Variants in TOPBP1 observed in about 807,000 individuals in gnomAD.
The protein encoded by TOPBP1 is DNA topoisomerase 2-binding protein 1.
Under a neutral mutation model 167.7 loss-of-function variants are expected in TOPBP1, and 28 were observed. That is an observed-to-expected ratio of 0.17 (90% CI 0.12 to 0.23). The LOEUF (loss-of-function observed/expected upper bound fraction) is 0.23. Ranked by LOEUF, TOPBP1 falls within the 10% of genes least tolerant of loss-of-function variation. TOPBP1 has a pLI of 1.00. For missense variants in TOPBP1, 1,554 were observed against 1,809.6 expected (o/e 0.86, Z 2.56); for synonymous variants, 598 against 611.4 (o/e 0.98, Z 0.32).
At chr3:133,604,502 T>C (rs1934425352) in intron 27 of TOPBP1, among the ~76,000 whole-genome samples, 1 of 151,690 alleles carries the variant, frequency 6.6e-6, no homozygotes, top group Non-Finnish European at 1.5e-5. Context: ...CCAACAAATT[T>C]GATAAGATGA....
In TOPBP1 at chr3:133,617,332, G is replaced by A; in HGVS notation, c.3593-6C>T. On this transcript the variant is annotated splice_polypyrimidine_tract_variant and splice_region_variant and intron_variant, in intron 21 of 27. Transcript: ENST00000260810. ...GTTTCCAGGATCACAGACAGCTGAGGACAATAAAATGCTGCAGTGTGACAG... is the reference window on the plus strand; with the variant it reads ...GTTTCCAGGATCACAGACAGCTGAGAACAATAAAATGCTGCAGTGTGACAG... 8.1e-6 allele frequency: 13 copies of A among 1,599,418 alleles called. No homozygotes were observed. The highest frequency in any genetic ancestry group is 1.1e-5 in the Non-Finnish European group (13 of 1,174,718).
At chr3:133,615,074 CT>C (rs397874247) in intron 23 of TOPBP1, among the ~76,000 whole-genome samples, 28,976 of 143,898 alleles carry the variant, frequency 0.2, 2,984 homozygotes, top group African/African-American at 0.25. Flanking sequence ...TGACATAAAT[CT>C]TTTTTTTTTT....
chr3:133,622,065 A>T (rs759355568), intron 19 of TOPBP1, among the ~76,000 whole-genome samples: 6 of 151,972 alleles, frequency 3.9e-5, no homozygotes, highest in Non-Finnish European at 8.8e-5. Flanking sequence ...GGAAGGAAGG[A>T]AGAAAAGCAA....
At chr3:133,631,845 C>A (rs556610457) in intron 14 of TOPBP1, among the ~76,000 whole-genome samples, 4 of 152,056 alleles carry the variant, frequency 2.6e-5, no homozygotes, top group Admixed American at 6.5e-5. Flanking sequence ...GCCATATTGG[C>A]CAGGCTGGTC....
rs1414311811 is a variant in TOPBP1, at chr3:133,661,893, C to CA, written c.-133dup. ...CCCCGACTCGGCGCCGCCCCTACCCCAAAGCAAACGCTGGAGAACCCGGAA... is the reference window on the plus strand; with the variant it reads ...CCCCGACTCGGCGCCGCCCCTACCCCAAAAGCAAACGCTGGAGAACCCGGAA... On this transcript the variant is annotated 5_prime_UTR_variant, in exon 1 of 28. Coordinates refer to ENST00000260810, the MANE Select transcript of TOPBP1 (RefSeq NM_007027.4). The CA allele has an allele frequency of 6.6e-6, 1 of 152,368 alleles. No individual in the cohort carries two copies. The highest frequency in any genetic ancestry group is 6.5e-5 in the Admixed American group (1 of 15,310). 9.4% of individuals were successfully genotyped at this position (152,368 alleles called of 1,614,324 possible).
intron 27 of TOPBP1, among the ~76,000 whole-genome samples, chr3:133,608,222 G>A (rs1934553748): frequency 6.6e-6 from 1 of 152,070 alleles, no homozygotes; most frequent in East Asian, 1.9e-4. Context: ...TTGGATAAAT[G>A]TTTCTCCTTG....
intron 21 of TOPBP1, among the ~76,000 whole-genome samples, chr3:133,617,834 G>C (rs1314511141): frequency 6.6e-6 from 1 of 152,066 alleles, no homozygotes; most frequent in African/African-American, 2.4e-5. Flanking sequence ...ACAATCCAAA[G>C]AACAAATGTA....
At chr3:133,643,891 A>C (rs1935984050) in intron 11 of TOPBP1, 129 bp downstream of exon 11, 2 of 1,000,766 alleles carry the variant, frequency 2.0e-6, no homozygotes, top group Non-Finnish European at 2.9e-6. Context: ...CCTTGCTAAA[A>C]GCAAAATCAA....
At chr3:133,603,803 GA>G (rs1175888356) in intron 27 of TOPBP1, among the ~76,000 whole-genome samples, 2 of 151,788 alleles carry the variant, frequency 1.3e-5, no homozygotes, top group Non-Finnish European at 2.9e-5. Context: ...CACATACACA[GA>G]AAATCTGATC....
intron 1 of TOPBP1, 31 bp from the exon 2 acceptor site, chr3:133,661,165 C>CAA: frequency 6.7e-7 from 1 of 1,495,628 alleles, no homozygotes; most frequent in Non-Finnish European, 9.0e-7. Flanking sequence ...TTAACAAGAA[C>CAA]AAAACCACAT....
intron 23 of TOPBP1, among the ~76,000 whole-genome samples, chr3:133,613,455 A>T (rs1318283976): frequency 6.6e-6 from 1 of 152,222 alleles, no homozygotes; most frequent in Non-Finnish European, 1.5e-5. Context: ...AGCAGTTTTC[A>T]AGCACCGAAT....
At chr3:133,621,986 GAAGA>G (rs1385920798) in intron 19 of TOPBP1, among the ~76,000 whole-genome samples, 1 of 151,474 alleles carries the variant, frequency 6.6e-6, no homozygotes, top group Non-Finnish European at 1.5e-5. Flanking sequence ...AAAGAAAAGG[GAAGA>G]AAGAAGGAAA....
At chr3:133,642,468 A>G (rs1346532121) in intron 12 of TOPBP1, among the ~76,000 whole-genome samples, 3 of 152,222 alleles carry the variant, frequency 2.0e-5, no homozygotes, top group Non-Finnish European at 4.4e-5. Context: ...CCAGAGTTGT[A>G]CTAAAGTCTG....
intron 16 of TOPBP1, 162 bp downstream of exon 16, chr3:133,628,200 T>G: frequency 3.1e-6 from 2 of 649,536 alleles, no homozygotes; most frequent in Non-Finnish European, 5.2e-6. Flanking sequence ...TGTGAGAGGC[T>G]ATTTTCAACA....
At chr3:133,659,764 A>T (rs2589273) in intron 2 of TOPBP1, among the ~76,000 whole-genome samples, 128,541 of 151,640 alleles carry the variant, frequency 0.85, 54,847 homozygotes, top group South Asian at 0.95. Context: ...ATACGTATTT[A>T]TATATATATA....
At chr3:133,654,805 A>ACTTTGCAAGATGTTAGAGAAAACAT (rs555012442) in intron 6 of TOPBP1, among the ~76,000 whole-genome samples, 29 of 152,308 alleles carry the variant, frequency 1.9e-4, no homozygotes, top group East Asian at 5.8e-4. Context: ...TCCAGTTAAA[A>ACTTTGCAAGATGTTAGAGAAAACAT]CTTTGCAAGA....
intron 27 of TOPBP1, among the ~76,000 whole-genome samples, chr3:133,606,347 C>T (rs1021329742): frequency 1.8e-4 from 27 of 151,916 alleles, no homozygotes; most frequent in Admixed American, 1.5e-3. Flanking sequence ...TACTGAAAAA[C>T]CACAAAATGT....
chr3:133,649,583 T>G lies in TOPBP1; in HGVS notation c.1304A>C (p.Tyr435Ser). Residue 435 changes from tyrosine (Y) to serine (S), a missense_variant, in exon 10 of 28, where the codon TAT becomes TCT. Tyr to Ser is a moderately radical substitution (Grantham distance 144, BLOSUM62 -2). Coordinates refer to ENST00000260810, the MANE Select transcript of TOPBP1 (RefSeq NM_007027.4). ...KWLLECFSKG[Y>S]MLSEEPYIHA... ...GATATATGGTTCTTCAGAAAGCATA[T>G]AACCTTTACTGAAACACTCTAGCAA... 6.2e-7 allele frequency: 1 copy of G among 1,613,852 alleles called. No individual in the cohort carries two copies. The highest frequency in any genetic ancestry group is 8.5e-7 in the Non-Finnish European group (1 of 1,179,852).
At chr3:133,637,726 C>T in intron 14 of TOPBP1, 150 bp downstream of exon 14, 1 of 809,044 alleles carries the variant, frequency 1.2e-6, no homozygotes, top group Non-Finnish European at 1.9e-6. Flanking sequence ...TATGCTGGGA[C>T]TCAAAACGTT....
Sources: gnomAD v4.1 joint callset for allele counts (sites outside exome capture counted in the v4.1 genomes callset) on GRCh38, gnomAD v4.1.1 for gene constraint, MANE v1.5 for transcripts, NCBI Gene and HGNC (gene_info 2026-07-23, HGNC 2026-07-21) for gene names.